The following THADA variants were observed in gnomAD, a reference collection of about 807,000 sequenced individuals.
The protein encoded by THADA is THADA armadillo repeat containing.
A neutral mutation model predicts 219.8 loss-of-function variants in THADA; 213 were observed. The observed-to-expected ratio is 0.97, with a 90% CI of 0.87 to 1.09. The LOEUF (loss-of-function observed/expected upper bound fraction) is 1.09. THADA is among the 50% of genes least tolerant of loss of function. The pLI is 0.00. For synonymous variants in THADA, 1,018 were observed against 828.9 expected, an observed-to-expected ratio of 1.23 and a Z score of -3.92; for missense variants, 2,956 against 2,311.3, an observed-to-expected ratio of 1.28 and a Z score of -5.72.
chr2:43,402,375 G>A (rs552544368), intron 28 of THADA, among the ~76,000 whole-genome samples: 1 of 152,268 alleles, frequency 6.6e-6, no homozygotes, highest in African/African-American at 2.4e-5. Context: ...TTCAAATGAG[G>A]GTGAAATACA....
chr2:43,400,921 A>G (rs1674754810), intron 28 of THADA, among the ~76,000 whole-genome samples: 1 of 152,158 alleles, frequency 6.6e-6, no homozygotes, highest in South Asian at 2.1e-4. Context: ...GAAGGCAAAG[A>G]GGGTCTTTTT....
At chr2:43,232,651 G>A in intron 37 of THADA, 62 bp downstream of exon 37, 2 of 1,543,954 alleles carry the variant, frequency 1.3e-6, no homozygotes, top group South Asian at 2.3e-5. Flanking sequence ...TGTAGGTGCT[G>A]CATCTAGCGG....
rs1250361999 is a variant in THADA, at chr2:43,430,308, AAAG to A, written c.3837-9_3837-7del. On this transcript the variant is annotated splice_polypyrimidine_tract_variant and splice_region_variant and intron_variant, in intron 26 of 37. Transcript: ENST00000405975. ...AAAACTCTCTCCCTGTCATTCTGTG[AAAG>A]AAGGAGGAAAAAATTTATTATCATT... 2 of 1,510,600 alleles carry A rather than the reference AAAG, an allele frequency of 1.3e-6. No homozygotes were observed. Among genetic ancestry groups the A allele is most frequent in the African/African-American group, 2.8e-5 (2 of 71,380 alleles). 93.6% of individuals were successfully genotyped at this position (1,510,600 alleles called of 1,614,324 possible). A position where few individuals can be genotyped will look rare whatever the true frequency, so the allele number is the denominator to read the frequency against.
At chr2:43,423,043 G>C (rs1478021857) in intron 28 of THADA, among the ~76,000 whole-genome samples, 1 of 152,158 alleles carries the variant, frequency 6.6e-6, no homozygotes, top group Non-Finnish European at 1.5e-5. Flanking sequence ...TCAAGCATTT[G>C]CCCAATGCCC....
At position 43,535,675 on chromosome 2, in the gene THADA, CAAAAAAAAAAA is replaced by C. The variant is rs1177702416; in HGVS notation, c.3264+5473_3264+5483del. On this transcript the variant is annotated intron_variant, in intron 21 of 37. Transcript: ENST00000405975. ...CAAGCCTGGGCGACACAGCGAGACT[CAAAAAAAAAAA>C]AAAAAAAAAAAAAAGAAAAAATCTT... Among the ~76,000 whole-genome samples the C allele has an allele frequency of 1.1e-3, 33 of 30,372 alleles. No individual in the cohort carries two copies. The Middle Eastern group carries it at 0.071, about 66-fold the overall frequency. 19.9% of individuals were successfully genotyped at this position (30,372 alleles called of 152,430 possible). A position where few individuals can be genotyped will look rare whatever the true frequency, so the allele number is the denominator to read the frequency against.
At chr2:43,429,203 G>T (rs1326277661) in intron 27 of THADA, among the ~76,000 whole-genome samples, 1 of 150,098 alleles carries the variant, frequency 6.7e-6, no homozygotes, top group African/African-American at 2.4e-5. Context: ...TGCCTCCTGG[G>T]TTCAAGTGAT....
intron 22 of THADA, among the ~76,000 whole-genome samples, chr2:43,514,633 T>A (rs1690989852): frequency 1.0e-5 from 1 of 99,310 alleles, no homozygotes; most frequent in Non-Finnish European, 1.8e-5. Context: ...TATATATGTA[T>A]ATTTTATATA....
intron 3 of THADA, 58 bp downstream of exon 3, chr2:43,591,894 A>T: frequency 8.5e-7 from 1 of 1,173,628 alleles, no homozygotes. Flanking sequence ...ATTTTTTTTA[A>T]ATCCTTAATA....
At chr2:43,430,536 T>C (rs570547114) in intron 26 of THADA, 39 of 522,984 alleles carry the variant, frequency 7.5e-5, no homozygotes, top group African/African-American at 7.1e-4. Flanking sequence ...ATTATGTATG[T>C]TTACAAATAT....
At chr2:43,469,949 G>A (rs1684706750) in intron 26 of THADA, among the ~76,000 whole-genome samples, 1 of 152,124 alleles carries the variant, frequency 6.6e-6, no homozygotes. Flanking sequence ...TGTGGCTCAT[G>A]CCTGCAATCT....
chr2:43,566,311 A>C, intron 15 of THADA: 1 of 545,530 alleles, frequency 1.8e-6, no homozygotes, highest in Non-Finnish European at 3.3e-6. Flanking sequence ...ACCACATTTT[A>C]ACCACAGAGA....
At chr2:43,589,916 G>C (rs1051631026) in intron 4 of THADA, among the ~76,000 whole-genome samples, 1 of 151,984 alleles carries the variant, frequency 6.6e-6, no homozygotes, top group Non-Finnish European at 1.5e-5. Flanking sequence ...CTACAATTAG[G>C]ATTTTATGAC....
At chr2:43,457,242 C>G (rs934348196) in intron 26 of THADA, among the ~76,000 whole-genome samples, 1 of 151,360 alleles carries the variant, frequency 6.6e-6, no homozygotes, top group African/African-American at 2.4e-5. Context: ...CAATGCTACT[C>G]TCACTCTCCT....
intron 14 of THADA, among the ~76,000 whole-genome samples, chr2:43,567,173 C>T (rs1698789259): frequency 6.6e-6 from 1 of 151,736 alleles, no homozygotes; most frequent in African/African-American, 2.4e-5. Context: ...ATTCATTTCT[C>T]AGGTGAAGGA....
At chr2:43,497,186 G>A (rs1477320809) in intron 25 of THADA, among the ~76,000 whole-genome samples, 6 of 152,044 alleles carry the variant, frequency 3.9e-5, no homozygotes, top group Non-Finnish European at 8.8e-5. Context: ...GCCATTACTG[G>A]ATATATACCC....
chr2:43,286,986 T>C lies in THADA; in HGVS notation c.5086A>G (p.Thr1696Ala), dbSNP rs989473013. ...VILSCEDHLP[T>A]ESRLAVVEVL... ...TCAACGACGGCCAGCCTAGACTCTG[T>C]AGGAAGATGGTCTTCACATGACAAG... is the stretch of plus-strand genomic sequence containing the variant. Residue 1696 changes from threonine to alanine, a missense_variant, in exon 35 of 38, where the codon ACA becomes GCA. By Grantham distance (58) the Thr-to-Ala change is moderately conservative. Coordinates refer to ENST00000405975, the MANE Select transcript of THADA (RefSeq NM_022065.5). 9 of 1,613,964 alleles carry C rather than the reference T, an allele frequency of 5.6e-6. No individual in the cohort carries two copies. Among genetic ancestry groups the C allele is most frequent in the Admixed American group, 5.0e-5 (3 of 60,018 alleles).
intron 21 of THADA, among the ~76,000 whole-genome samples, chr2:43,532,689 C>A (rs1177962451): frequency 6.6e-6 from 1 of 152,100 alleles, no homozygotes; most frequent in East Asian, 1.9e-4. Context: ...TGAAAACCGG[C>A]ACAAGACAAG....
Position 43,291,742 on chromosome 2 carries a change from C to G in THADA, c.4964G>C (p.Arg1655Thr). 6.4e-7 allele frequency: 1 copy of G among 1,554,670 alleles called. No individual in the cohort carries two copies. Among genetic ancestry groups the G allele is most frequent in the African/African-American group, 1.4e-5 (1 of 73,562 alleles). ...GTGGGAAATGACTTTGGAAGCAAGT[C>G]TCAGAGCTACACTCTGAATTTCAGA... ...ERSEIQSVAL[R>T]LASKVISHHM... Residue 1655 changes from arginine to threonine, a missense_variant, in exon 34 of 38, where the codon AGA becomes ACA. Physicochemically the swap from Arg to Thr is moderately conservative, Grantham distance 71. Coordinates refer to ENST00000405975, the MANE Select transcript of THADA (RefSeq NM_022065.5).
intron 31 of THADA, among the ~76,000 whole-genome samples, chr2:43,307,747 C>A (rs1009667463): frequency 8.5e-5 from 13 of 152,144 alleles, no homozygotes; most frequent in Admixed American, 3.3e-4. Context: ...AAGAATAAAA[C>A]AAAATCCAAT....
Sources: gnomAD v4.1 joint callset for allele counts (sites outside exome capture counted in the v4.1 genomes callset) on GRCh38, gnomAD v4.1.1 for gene constraint, MANE v1.5 for transcripts, NCBI Gene and HGNC (gene_info 2026-07-23, HGNC 2026-07-21) for gene names.